Variants in TENM4 observed in about 807,000 individuals in gnomAD.
TENM4 encodes the protein teneurin-4.
A neutral mutation model predicts 243.3 loss-of-function variants in TENM4; 82 were observed. The observed-to-expected ratio is 0.34, with a 90% CI of 0.28 to 0.40. TENM4 has a LOEUF of 0.40. Among genes scored for constraint, TENM4 ranks in the 10% least tolerant of loss-of-function variants. TENM4 has a pLI of 1.00. For synonymous variants in TENM4, 1,412 were observed against 1,456.3 expected (o/e 0.97, Z 0.69); for missense variants, 3,138 against 3,673.3 (o/e 0.85, Z 3.77).
chr11:79,152,999 A>G (rs1377461520), intron 3 of TENM4, among the ~76,000 whole-genome samples: 1 of 152,220 alleles, frequency 6.6e-6, no homozygotes, highest in Non-Finnish European at 1.5e-5. Context: ...TTCTGGGCAC[A>G]TTTTTAGAAT....
chr11:78,871,931 G>C (rs1204392774), intron 9 of TENM4, among the ~76,000 whole-genome samples: 2 of 152,176 alleles, frequency 1.3e-5, no homozygotes, highest in Non-Finnish European at 2.9e-5. Context: ...ATTTTACCTT[G>C]TGCATGATAT....
intron 6 of TENM4, among the ~76,000 whole-genome samples, chr11:79,034,854 C>G (rs1859336004): frequency 6.6e-6 from 1 of 152,162 alleles, no homozygotes; most frequent in Non-Finnish European, 1.5e-5. Context: ...CTCAGGACAT[C>G]TGGGGAACTA....
intron 30 of TENM4, among the ~76,000 whole-genome samples, chr11:78,673,640 G>A (rs575395697): frequency 6.6e-6 from 1 of 152,330 alleles, no homozygotes; most frequent in South Asian, 2.1e-4. Flanking sequence ...TGTATAACAA[G>A]AGTTGTTGTG....
intron 15 of TENM4, among the ~76,000 whole-genome samples, chr11:78,800,767 T>C (rs1198070225): frequency 7.6e-6 from 1 of 132,418 alleles, no homozygotes; most frequent in Non-Finnish European, 1.6e-5. Flanking sequence ...GAGAGAGAGA[T>C]TGATTAGAAT....
At chr11:78,962,373 A>G (rs1857346295) in intron 6 of TENM4, among the ~76,000 whole-genome samples, 1 of 150,214 alleles carries the variant, frequency 6.7e-6, no homozygotes, top group East Asian at 2.0e-4. Context: ...ACAAAGACAA[A>G]CACAGACAGA....
At chr11:78,873,409 C>T (rs1282857154) in intron 9 of TENM4, among the ~76,000 whole-genome samples, 6 of 152,152 alleles carry the variant, frequency 3.9e-5, no homozygotes, top group Non-Finnish European at 7.3e-5. Context: ...CCTCACAAAG[C>T]CCAATGGGGT....
At chr11:78,887,943 A>C (rs542477705) in intron 9 of TENM4, among the ~76,000 whole-genome samples, 1 of 152,196 alleles carries the variant, frequency 6.6e-6, no homozygotes, top group Non-Finnish European at 1.5e-5. Context: ...CCAGAAGTCT[A>C]CTCACTTATG....
At chr11:79,154,724 G>A (rs1314498358) in intron 3 of TENM4, among the ~76,000 whole-genome samples, 2 of 152,148 alleles carry the variant, frequency 1.3e-5, no homozygotes, top group African/African-American at 2.4e-5. Context: ...TGGCCCCTCA[G>A]AGGAAGGAGT....
intron 1 of TENM4, among the ~76,000 whole-genome samples, chr11:79,335,187 A>G (rs1857127254): frequency 6.6e-6 from 1 of 152,196 alleles, no homozygotes; most frequent in Non-Finnish European, 1.5e-5. Context: ...AGTGTATGGC[A>G]TAGTTCCAGG....
At chr11:79,129,732 C>A (rs1171907320) in intron 4 of TENM4, among the ~76,000 whole-genome samples, 1 of 152,102 alleles carries the variant, frequency 6.6e-6, no homozygotes, top group Non-Finnish European at 1.5e-5. Flanking sequence ...ACAGCAAGAC[C>A]CACCCAAGGA....
intron 4 of TENM4, among the ~76,000 whole-genome samples, chr11:79,100,431 C>T (rs1019415248): frequency 1.3e-5 from 2 of 152,112 alleles, no homozygotes; most frequent in Non-Finnish European, 2.9e-5. Context: ...CAGGCACTTC[C>T]ATATTTATCA....
At chr11:78,736,483 C>CGCGT (rs1238404963) in intron 20 of TENM4, among the ~76,000 whole-genome samples, 33 of 132,534 alleles carry the variant, frequency 2.5e-4, no homozygotes, top group African/African-American at 1.0e-3. Flanking sequence ...TGTGTGTGCG[C>CGCGT]GCGCGTGCAT....
intron 6 of TENM4, among the ~76,000 whole-genome samples, chr11:78,952,388 G>A (rs549094851): frequency 6.6e-6 from 1 of 152,332 alleles, no homozygotes; most frequent in South Asian, 2.1e-4. Context: ...CAGGACCCGA[G>A]CTGCCAGCAG....
intron 6 of TENM4, among the ~76,000 whole-genome samples, chr11:78,928,528 A>G (rs1427875768): frequency 6.6e-6 from 1 of 152,226 alleles, no homozygotes; most frequent in African/African-American, 2.4e-5. Context: ...AATACACAAG[A>G]ACTCACTATA....
intron 15 of TENM4, among the ~76,000 whole-genome samples, chr11:78,799,271 T>C (rs1414114143): frequency 6.6e-6 from 1 of 152,186 alleles, no homozygotes; most frequent in East Asian, 1.9e-4. Flanking sequence ...TGACTCTTCA[T>C]CTAGAGTCAA....
intron 1 of TENM4, among the ~76,000 whole-genome samples, chr11:79,424,381 C>A (rs1859003282): frequency 6.6e-6 from 1 of 152,184 alleles, no homozygotes; most frequent in Non-Finnish European, 1.5e-5. Context: ...ATAGGAGGAT[C>A]ACTTAAACTC....
chr11:79,274,613 C>T (rs1856022330), intron 2 of TENM4, among the ~76,000 whole-genome samples: 2 of 152,182 alleles, frequency 1.3e-5, no homozygotes, highest in South Asian at 2.1e-4. Context: ...CTCCTATCCC[C>T]TGGTGAAACC....
At chr11:78,825,042 C>T (rs1218152062) in intron 12 of TENM4, among the ~76,000 whole-genome samples, 1 of 152,236 alleles carries the variant, frequency 6.6e-6, no homozygotes, top group African/African-American at 2.4e-5. Context: ...AAATGTATCA[C>T]ACTTGGACAA....
At chr11:79,183,215 A>G (rs1049620715) in intron 3 of TENM4, among the ~76,000 whole-genome samples, 5 of 152,230 alleles carry the variant, frequency 3.3e-5, no homozygotes, top group African/African-American at 1.2e-4. Flanking sequence ...ACAATGGAAT[A>G]TTATTTAACA....
Sources: gnomAD v4.1 joint callset for allele counts (sites outside exome capture counted in the v4.1 genomes callset) on GRCh38, gnomAD v4.1.1 for gene constraint, MANE v1.5 for transcripts, NCBI Gene and HGNC (gene_info 2026-07-23, HGNC 2026-07-21) for gene names.